DRAM1: variants seen among roughly 807,000 people sequenced by gnomAD.
DRAM1 encodes the protein DNA damage regulated autophagy modulator 1.
Under a neutral mutation model 28.5 loss-of-function variants are expected in DRAM1, and 25 were observed. That is an observed-to-expected ratio of 0.88 (90% CI 0.64 to 1.23). The LOEUF (loss-of-function observed/expected upper bound fraction) is 1.23, where lower values mean the gene tolerates loss of function less well. DRAM1 is among the 50% of genes most tolerant of loss of function. The pLI, the probability that DRAM1 is intolerant of heterozygous loss-of-function variation, is 0.00. For synonymous variants in DRAM1, 113 were observed against 114.2 expected (o/e 0.99, Z 0.07); for missense variants, 249 against 299.2 (o/e 0.83, Z 1.24).
At position 101,894,516 on chromosome 12, in the gene DRAM1, T is replaced by C. The variant is rs183262316; in HGVS notation, c.132-3347T>C. Reference sequence around the variant, plus strand: ...ATCCATCCTCCTCGGCCTCCCAAAATGCTGGGATTACAGGTGTGAGCTACC... The same window carrying C: ...ATCCATCCTCCTCGGCCTCCCAAAACGCTGGGATTACAGGTGTGAGCTACC... On this transcript the variant is annotated intron_variant, in intron 1 of 6. Coordinates refer to ENST00000258534, the MANE Select transcript of DRAM1 (RefSeq NM_018370.3). 2.6e-5 allele frequency among the ~76,000 whole-genome samples: 4 copies of C among 152,284 alleles called. No individual in the cohort carries two copies. The East Asian group carries it at 7.7e-4, about 29-fold the overall frequency.
chr12:101,890,722 A>G (rs760283270), intron 1 of DRAM1, among the ~76,000 whole-genome samples: 1 of 150,328 alleles, frequency 6.7e-6, no homozygotes, highest in Non-Finnish European at 1.5e-5. Flanking sequence ...AATAGTTGAT[A>G]TAGCTGAAGG....
In DRAM1 at chr12:101,917,538, A is replaced by AT. The variant is rs369270409; in HGVS notation, c.580-2566dup. The stretch of plus-strand genomic sequence containing the variant: ...CCTGTCTGTACTAAAAAAAAAAAAA[A>AT]TTTTTGGTGTAGTGGCACACACCTG... On this transcript the variant is annotated intron_variant, in intron 5 of 6. Coordinates refer to ENST00000258534, the MANE Select transcript of DRAM1 (RefSeq NM_018370.3). Among the ~76,000 whole-genome samples, 65 of 142,204 alleles carry AT rather than the reference A, an allele frequency of 4.6e-4. 1 individual carries two copies. The highest frequency in any genetic ancestry group is 4.3e-3 in the South Asian group (19 of 4,446). 93.3% of individuals were successfully genotyped at this position (142,204 alleles called of 152,430 possible).
At chr12:101,917,934 T>C (rs775873062) in intron 5 of DRAM1, among the ~76,000 whole-genome samples, 8 of 152,156 alleles carry the variant, frequency 5.3e-5, no homozygotes, top group Non-Finnish European at 1.0e-4. Context: ...AGACCTTCTA[T>C]CACAAACCCG....
At chr12:101,909,541 G>A (rs943213183) in intron 4 of DRAM1, among the ~76,000 whole-genome samples, 1 of 152,084 alleles carries the variant, frequency 6.6e-6, no homozygotes, top group Non-Finnish European at 1.5e-5. Flanking sequence ...CCTGCACGTC[G>A]TAGGTGGCAA....
chr12:101,881,934 A>G (rs1353377982), intron 1 of DRAM1, among the ~76,000 whole-genome samples: 1 of 152,112 alleles, frequency 6.6e-6, no homozygotes, highest in Non-Finnish European at 1.5e-5. Flanking sequence ...TGCTGAATGA[A>G]TATTTCTGAA....
intron 4 of DRAM1, among the ~76,000 whole-genome samples, chr12:101,908,893 CAAAAAAA>C (rs56843086): frequency 1.4e-5 from 1 of 70,892 alleles, no homozygotes; most frequent in Non-Finnish European, 3.0e-5. Context: ...TCCCCACAAC[CAAAAAAA>C]AAAAAAAAAA....
intron 1 of DRAM1, among the ~76,000 whole-genome samples, chr12:101,884,048 G>T (rs1264249819): frequency 6.6e-6 from 1 of 151,106 alleles, no homozygotes; most frequent in Non-Finnish European, 1.5e-5. Flanking sequence ...ATTAACAAAA[G>T]CATATCAAAA....
chr12:101,883,643 A>G lies in DRAM1; in HGVS notation c.131+5723A>G, dbSNP rs566954219. Among the ~76,000 whole-genome samples, 7 of 151,208 alleles carry G rather than the reference A, an allele frequency of 4.6e-5. No homozygotes were observed. In the East Asian group the frequency reaches 1.4e-3, roughly 29 times the overall value. ...TGTTTCCTATCAGAAAATTAAATTA[A>G]AAACATGAGGCCGGGCGCAGTGGCT... On this transcript the variant is annotated intron_variant, in intron 1 of 6. Coordinates refer to ENST00000258534, the MANE Select transcript of DRAM1 (RefSeq NM_018370.3).
intron 3 of DRAM1, among the ~76,000 whole-genome samples, chr12:101,907,776 A>G (rs759204680): frequency 6.6e-6 from 1 of 152,138 alleles, no homozygotes; most frequent in Non-Finnish European, 1.5e-5. Context: ...ATTGTATATG[A>G]TATGTATCCT....
At chr12:101,885,043 C>G (rs748124081) in intron 1 of DRAM1, among the ~76,000 whole-genome samples, 2 of 151,478 alleles carry the variant, frequency 1.3e-5, no homozygotes, top group Non-Finnish European at 2.9e-5. Context: ...AAGCGATTCT[C>G]CCACCTCATC....
At chr12:101,901,081 GT>G (rs1566126033) in intron 2 of DRAM1, among the ~76,000 whole-genome samples, 76 of 784 alleles carry the variant, frequency 0.097, no homozygotes, top group Non-Finnish European at 0.19. Flanking sequence ...GCCAAGGGGT[GT>G]GTGTGTGTGT....
At chr12:101,880,094 CTG>C (rs1872641129) in intron 1 of DRAM1, among the ~76,000 whole-genome samples, 1 of 151,886 alleles carries the variant, frequency 6.6e-6, no homozygotes, top group Non-Finnish European at 1.5e-5. Context: ...GTTGCCCAGT[CTG>C]TGGTGTGGTG....
chr12:101,888,568 T>C (rs1872973390), intron 1 of DRAM1, among the ~76,000 whole-genome samples: 1 of 152,094 alleles, frequency 6.6e-6, no homozygotes, highest in African/African-American at 2.4e-5. Flanking sequence ...TAACTGAGGG[T>C]GATGGATGGA....
intron 3 of DRAM1, among the ~76,000 whole-genome samples, chr12:101,907,199 CAA>C (rs397965756): frequency 8.2e-5 from 7 of 85,134 alleles, no homozygotes; most frequent in Non-Finnish European, 1.4e-4. Flanking sequence ...GACCCTGTCT[CAA>C]AAAAAAAAAA....
At chr12:101,904,412 G>T (rs1873718276) in intron 3 of DRAM1, among the ~76,000 whole-genome samples, 1 of 103,620 alleles carries the variant, frequency 9.7e-6, no homozygotes, top group Non-Finnish European at 2.0e-5. Context: ...GAAGCTGAGT[G>T]ATAGAGCTTT....
chr12:101,879,732 A>T (rs1872624232), intron 1 of DRAM1, among the ~76,000 whole-genome samples: 1 of 150,766 alleles, frequency 6.6e-6, no homozygotes, highest in Non-Finnish European at 1.5e-5. Context: ...ACAGTGGCTC[A>T]CGCCTGTAAT....
At chr12:101,918,375 T>G (rs1874336681) in intron 5 of DRAM1, among the ~76,000 whole-genome samples, 1 of 152,256 alleles carries the variant, frequency 6.6e-6, no homozygotes, top group Admixed American at 6.5e-5. Flanking sequence ...AGAAGCCATC[T>G]TCCTTGTTCA....
chr12:101,883,314 GTTTT>G (rs1225341398), intron 1 of DRAM1, among the ~76,000 whole-genome samples: 1 of 109,126 alleles, frequency 9.2e-6, no homozygotes. Context: ...ACCCAAATAG[GTTTT>G]TTTTTTTTTT....
At chr12:101,896,687 AC>A (rs1873387193) in intron 1 of DRAM1, among the ~76,000 whole-genome samples, 2 of 152,142 alleles carry the variant, frequency 1.3e-5, no homozygotes, top group South Asian at 4.1e-4. Flanking sequence ...TTTTACAGAA[AC>A]CCTTTTTTGT....
Sources: gnomAD v4.1 joint callset for allele counts (sites outside exome capture counted in the v4.1 genomes callset) on GRCh38, gnomAD v4.1.1 for gene constraint, MANE v1.5 for transcripts, NCBI Gene and HGNC (gene_info 2026-07-23, HGNC 2026-07-21) for gene names.